CD9: variants seen among roughly 807,000 people sequenced by gnomAD.
CD9 encodes the protein CD9 molecule.
Under a neutral mutation model 31.4 loss-of-function variants are expected in CD9, and 10 were observed. That is an observed-to-expected ratio of 0.32 (90% CI 0.20 to 0.54). The LOEUF is 0.54. CD9 is among the 20% of genes least tolerant of loss of function. The probability of loss-of-function intolerance (pLI) is 0.94; values close to 1 mark genes in which losing one functional copy is unlikely to be tolerated. For synonymous variants in CD9, 113 were observed against 114.1 expected (o/e 0.99, Z 0.06); for missense variants, 259 against 300.1 (o/e 0.86, Z 1.01).
intron 1 of CD9, among the ~76,000 whole-genome samples, chr12:6,205,402 A>C (rs905255465): frequency 1.3e-5 from 2 of 152,120 alleles, no homozygotes; most frequent in African/African-American, 4.8e-5. Flanking sequence ...ACCCTGCTCT[A>C]TTGTGCTCAG....
chr12:6,226,762 C>CA (rs1167444260), intron 2 of CD9, among the ~76,000 whole-genome samples: 1 of 152,196 alleles, frequency 6.6e-6, no homozygotes, highest in Non-Finnish European at 1.5e-5. Flanking sequence ...CACATACACA[C>CA]AGAGTTTTTG....
chr12:6,205,874 A>G (rs1050521431), intron 1 of CD9: 5 of 152,218 alleles, frequency 3.3e-5, no homozygotes, highest in African/African-American at 1.2e-4. Context: ...CATGTTCTAG[A>G]CAGACCTGTG....
intron 1 of CD9, among the ~76,000 whole-genome samples, chr12:6,203,954 G>A (rs1277434084): frequency 6.6e-6 from 1 of 152,068 alleles, no homozygotes; most frequent in African/African-American, 2.4e-5. Context: ...CTCATGCCTC[G>A]CTCACTGATG....
intron 7 of CD9, among the ~76,000 whole-genome samples, chr12:6,236,972 T>TTTTTTTTC (rs984540547): frequency 6.6e-6 from 1 of 152,140 alleles, no homozygotes; most frequent in African/African-American, 2.4e-5. Flanking sequence ...CAATACCTTC[T>TTTTTTTTC]TTTTTTTCTT....
intron 1 of CD9, among the ~76,000 whole-genome samples, chr12:6,218,863 T>C (rs1348488169): frequency 6.6e-6 from 1 of 152,124 alleles, no homozygotes; most frequent in Non-Finnish European, 1.5e-5. Context: ...TTCTCATGTC[T>C]CCTGAGGCTC....
rs139196830 is a variant in CD9, at chr12:6,208,553, T to G, written c.66+7988T>G. On this transcript the variant is annotated intron_variant, in intron 1 of 7. Coordinates refer to ENST00000009180, the MANE Select transcript of CD9 (RefSeq NM_001769.4). ...AAACCTATTCAAGGATTTTAGTTTTTTTTGTTTGTTTGTTTGTTTTTGTTC... is the reference window on the plus strand; with the variant it reads ...AAACCTATTCAAGGATTTTAGTTTTGTTTGTTTGTTTGTTTGTTTTTGTTC... Among the ~76,000 whole-genome samples the G allele has an allele frequency of 4.5e-3, 683 of 152,324 alleles. 7 individuals are homozygous for G. Among genetic ancestry groups the G allele is most frequent in the Non-Finnish European group, 7.7e-3 (523 of 68,014 alleles).
chr12:6,224,113 G>A (rs538225243), intron 1 of CD9, among the ~76,000 whole-genome samples: 1 of 152,278 alleles, frequency 6.6e-6, no homozygotes, highest in East Asian at 1.9e-4. Context: ...GTGCAGGGCT[G>A]GTGGGGCTTC....
In CD9 at chr12:6,200,578, G is replaced by T; in HGVS notation, c.66+13G>T. 5.7e-6 allele frequency: 9 copies of T among 1,592,250 alleles called. No individual in the cohort carries two copies. The highest frequency in any genetic ancestry group is 7.7e-6 in the Non-Finnish European group (9 of 1,161,534). On this transcript the variant is annotated intron_variant, in intron 1 of 7. Transcript: ENST00000009180. Reference sequence around the variant, plus strand: ...CTTCATCTTCTGGGTGAGTGAGCGCGACTGCCGCGCGCTCCTCTCAGGGCC... The same window carrying T: ...CTTCATCTTCTGGGTGAGTGAGCGCTACTGCCGCGCGCTCCTCTCAGGGCC...
chr12:6,202,497 C>G (rs1218042240), intron 1 of CD9, among the ~76,000 whole-genome samples: 1 of 152,254 alleles, frequency 6.6e-6, no homozygotes, highest in African/African-American at 2.4e-5. Context: ...AGCTGTCTGC[C>G]TAGACTGCAT....
At chr12:6,224,702 C>T (rs900413923) in intron 1 of CD9, among the ~76,000 whole-genome samples, 8 of 152,306 alleles carry the variant, frequency 5.3e-5, no homozygotes, top group South Asian at 2.1e-4. Context: ...GTACGGGTGA[C>T]GACGAGGGAG....
At chr12:6,234,976 GA>G (rs1438069700) in intron 4 of CD9, among the ~76,000 whole-genome samples, 3 of 152,186 alleles carry the variant, frequency 2.0e-5, no homozygotes, top group Non-Finnish European at 4.4e-5. Context: ...AGAGCTGAAG[GA>G]CTGACCAAAG....
chr12:6,230,576 C>G (rs909736055), intron 2 of CD9, among the ~76,000 whole-genome samples: 7 of 152,236 alleles, frequency 4.6e-5, no homozygotes, highest in Admixed American at 1.3e-4. Context: ...CTATGGAGCT[C>G]AAAGGAGTGA....
At chr12:6,218,602 C>T (rs894161565) in intron 1 of CD9, among the ~76,000 whole-genome samples, 1 of 152,220 alleles carries the variant, frequency 6.6e-6, no homozygotes. Flanking sequence ...TGCCCCTAAG[C>T]TCCGTTACAC....
intron 1 of CD9, among the ~76,000 whole-genome samples, chr12:6,215,383 GT>G (rs1269457530): frequency 6.6e-6 from 1 of 152,184 alleles, no homozygotes; most frequent in Non-Finnish European, 1.5e-5. Flanking sequence ...AAACTTGAGC[GT>G]GATGAGAGTC....
At chr12:6,236,088 C>G (rs1023933336) in intron 6 of CD9, 104 bp from the exon 7 acceptor site, 1 of 1,542,262 alleles carries the variant, frequency 6.5e-7, no homozygotes, top group Non-Finnish European at 8.8e-7. Flanking sequence ...CCAGCCCACC[C>G]TCTGCCCACC....
intron 1 of CD9, among the ~76,000 whole-genome samples, chr12:6,205,557 A>C (rs1191699791): frequency 6.6e-6 from 1 of 152,148 alleles, no homozygotes; most frequent in Non-Finnish European, 1.5e-5. Flanking sequence ...CTCCAGGAGC[A>C]GTGTTGGATG....
chr12:6,230,712 C>T (rs1187497425), intron 2 of CD9, among the ~76,000 whole-genome samples: 1 of 152,244 alleles, frequency 6.6e-6, no homozygotes, highest in Admixed American at 6.5e-5. Flanking sequence ...GCTGCACAGC[C>T]TCCCCAAGCC....
chr12:6,201,194 A>G (rs1187492872), intron 1 of CD9, among the ~76,000 whole-genome samples: 1 of 152,192 alleles, frequency 6.6e-6, no homozygotes, highest in Non-Finnish European at 1.5e-5. Flanking sequence ...CCGTTCCCTC[A>G]GACTTTGATT....
intron 1 of CD9, among the ~76,000 whole-genome samples, chr12:6,211,564 C>G (rs981272273): frequency 4.1e-4 from 63 of 152,244 alleles, no homozygotes; most frequent in Non-Finnish European, 8.2e-4. Flanking sequence ...TGGCGGCCAA[C>G]TCTGCAGATG....
Sources: allele counts gnomAD v4.1 joint callset (sites outside exome capture counted in the v4.1 genomes callset), GRCh38; gene constraint gnomAD v4.1.1; transcripts MANE v1.5; gene names NCBI Gene and HGNC (gene_info 2026-07-23, HGNC 2026-07-21).